The following FBXW7 variants were observed in gnomAD, a reference collection of about 807,000 sequenced individuals.
FBXW7 encodes the protein F-box/WD repeat-containing protein 7.
FBXW7 carries 11 observed loss-of-function variants against 86.3 expected under a neutral mutation model. The observed-to-expected ratio is 0.13, with a 90% CI of 0.08 to 0.21. The LOEUF (loss-of-function observed/expected upper bound fraction) is 0.21, where lower values mean the gene tolerates loss of function less well. Among genes scored for constraint, FBXW7 ranks in the 10% least tolerant of loss-of-function variants. The pLI, the probability that FBXW7 is intolerant of heterozygous loss-of-function variation, is 1.00. For synonymous variants in FBXW7, 313 were observed against 297.9 expected (o/e 1.05, Z -0.52); for missense variants, 488 against 847.4 (o/e 0.58, Z 5.27).
chr4:152,325,254 G>T (rs1028487503), intron 12 of FBXW7: 1 of 152,004 alleles, frequency 6.6e-6, no homozygotes, highest in African/African-American at 2.4e-5. Context: ...CTTTGACAAA[G>T]AAACAAATAT....
chr4:152,360,459 G>C (rs1732829200), intron 4 of FBXW7, among the ~76,000 whole-genome samples: 1 of 152,122 alleles, frequency 6.6e-6, no homozygotes, highest in South Asian at 2.1e-4. Context: ...CAACAGGTGA[G>C]TACACAATTC....
intron 5 of FBXW7, chr4:152,348,800 G>A: frequency 3.4e-6 from 2 of 590,690 alleles, no homozygotes; most frequent in South Asian, 4.0e-5. Context: ...GAAGGGAAAA[G>A]CAAAATGAAG....
chr4:152,505,928 A>G (rs1204839574), intron 2 of FBXW7, among the ~76,000 whole-genome samples: 2 of 151,612 alleles, frequency 1.3e-5, no homozygotes, highest in East Asian at 2.0e-4. Context: ...TTTAGTAGAG[A>G]CAGGGTTTTG....
chr4:152,324,042 G>C, intron 13 of FBXW7, 142 bp downstream of exon 13: 1 of 630,310 alleles, frequency 1.6e-6, no homozygotes, highest in South Asian at 2.0e-5. Context: ...AGTTCTGTAA[G>C]TCAGGGTGAA....
intron 2 of FBXW7, among the ~76,000 whole-genome samples, chr4:152,479,677 AC>A (rs1744711559): frequency 6.6e-6 from 1 of 152,144 alleles, no homozygotes; most frequent in Admixed American, 6.6e-5. Flanking sequence ...GCAAGAATAC[AC>A]CCAAGGTTAC....
In FBXW7 at chr4:152,535,807, G is replaced by A. The variant is rs1164426357; in HGVS notation, c.-893C>T. On this transcript the variant is annotated 5_prime_UTR_variant, in exon 1 of 14. Coordinates refer to ENST00000281708, the MANE Select transcript of FBXW7 (RefSeq NM_001349798.2). ...CGCCTCCCTGCCCCCCAAGCCGCCG[G>A]CTCCGGCTCAGGCTCGGGCTCCGGC... 5.1e-6 allele frequency: 2 copies of A among 393,010 alleles called. No individual in the cohort carries two copies. The highest frequency in any genetic ancestry group is 4.5e-6 in the Non-Finnish European group (1 of 223,386). 24.3% of individuals were successfully genotyped at this position (393,010 alleles called of 1,614,324 possible). A position where few individuals can be genotyped will look rare whatever the true frequency, so the allele number is the denominator to read the frequency against.
intron 2 of FBXW7, among the ~76,000 whole-genome samples, chr4:152,529,361 G>A (rs1298864923): frequency 6.6e-6 from 1 of 151,674 alleles, no homozygotes; most frequent in Non-Finnish European, 1.5e-5. Flanking sequence ...TTTTTTAAAA[G>A]GAAGAAGAAA....
chr4:152,448,844 T>C (rs565153991), intron 2 of FBXW7, among the ~76,000 whole-genome samples: 1 of 152,306 alleles, frequency 6.6e-6, no homozygotes, highest in East Asian at 1.9e-4. Flanking sequence ...ATATTTTAAA[T>C]TGTTTTATAT....
intron 6 of FBXW7, among the ~76,000 whole-genome samples, chr4:152,340,079 T>G (rs1164944140): frequency 6.6e-6 from 1 of 152,114 alleles, no homozygotes; most frequent in Non-Finnish European, 1.5e-5. Flanking sequence ...TGTTAGAAAT[T>G]TCCATATATT....
intron 4 of FBXW7, among the ~76,000 whole-genome samples, chr4:152,376,741 G>A (rs540545384): frequency 1.4e-4 from 21 of 151,984 alleles, no homozygotes; most frequent in African/African-American, 4.8e-4. Context: ...ATTAACTGAT[G>A]AGAATGGTAC....
chr4:152,348,721 A>C (rs1384731075), intron 5 of FBXW7: 1 of 1,168,978 alleles, frequency 8.6e-7, no homozygotes, highest in Non-Finnish European at 1.1e-6. Context: ...TACATTTAAA[A>C]AATAGCATTA....
intron 5 of FBXW7, among the ~76,000 whole-genome samples, chr4:152,349,644 A>C (rs1331586222): frequency 6.6e-6 from 1 of 152,058 alleles, no homozygotes; most frequent in East Asian, 1.9e-4. Context: ...TGAGTTAGTA[A>C]TTGTTTTACT....
chr4:152,523,470 C>T (rs529079512), intron 2 of FBXW7, among the ~76,000 whole-genome samples: 1 of 152,094 alleles, frequency 6.6e-6, no homozygotes, highest in South Asian at 2.1e-4. Flanking sequence ...AAGAAAATGG[C>T]ATAGAAGAGC....
At chr4:152,475,611 T>C (rs903258744) in intron 2 of FBXW7, among the ~76,000 whole-genome samples, 1 of 152,210 alleles carries the variant, frequency 6.6e-6, no homozygotes. Context: ...CAAAAGCATG[T>C]TGTCTATATA....
At chr4:152,398,342 A>T (rs950673438) in intron 4 of FBXW7, among the ~76,000 whole-genome samples, 36 of 152,072 alleles carry the variant, frequency 2.4e-4, no homozygotes, top group African/African-American at 7.0e-4. Context: ...GTAAAAAAAA[A>T]AATAATACTT....
intron 2 of FBXW7, among the ~76,000 whole-genome samples, chr4:152,431,386 G>GA (rs907198321): frequency 5.3e-5 from 8 of 151,730 alleles, no homozygotes; most frequent in African/African-American, 1.2e-4. Context: ...AACAGAACAG[G>GA]AAAAAAAAGC....
chr4:152,457,307 G>A (rs562944955), intron 2 of FBXW7, among the ~76,000 whole-genome samples: 4 of 152,296 alleles, frequency 2.6e-5, no homozygotes, highest in Non-Finnish European at 4.4e-5. Flanking sequence ...ATGGTTTCAT[G>A]AGTGCACATA....
chr4:152,487,981 T>C (rs897045297), intron 2 of FBXW7, among the ~76,000 whole-genome samples: 3 of 151,968 alleles, frequency 2.0e-5, no homozygotes, highest in Non-Finnish European at 4.4e-5. Flanking sequence ...ATAAGCAAAA[T>C]GCATTCCATT....
intron 2 of FBXW7, among the ~76,000 whole-genome samples, chr4:152,471,976 C>T (rs1326855437): frequency 6.6e-6 from 1 of 151,898 alleles, no homozygotes; most frequent in Non-Finnish European, 1.5e-5. Context: ...ATCAGCAATG[C>T]ACATGTTCCA....
Sources: allele counts gnomAD v4.1 joint callset (sites outside exome capture counted in the v4.1 genomes callset), GRCh38; gene constraint gnomAD v4.1.1; transcripts MANE v1.5; gene names NCBI Gene and HGNC (gene_info 2026-07-23, HGNC 2026-07-21).